The following PLGRKT variants were observed in gnomAD, a reference collection of about 807,000 sequenced individuals.
The protein encoded by PLGRKT is plasminogen receptor (KT).
Under a neutral mutation model 18.5 loss-of-function variants are expected in PLGRKT, and 22 were observed. That is an observed-to-expected ratio of 1.19 (90% CI 0.85 to 1.70). The LOEUF (loss-of-function observed/expected upper bound fraction) is 1.70, where lower values mean the gene tolerates loss of function less well. Ranked by LOEUF, PLGRKT falls within the 40% of genes most tolerant of loss-of-function variation. The pLI, the probability that PLGRKT is intolerant of heterozygous loss-of-function variation, is 0.00. For synonymous variants in PLGRKT, 72 were observed against 52.8 expected (o/e 1.36, Z -1.58); for missense variants, 235 against 174.4 (o/e 1.35, Z -1.96).
chr9:5,435,446 C>T (rs977478150), intron 2 of PLGRKT, among the ~76,000 whole-genome samples: 1 of 152,186 alleles, frequency 6.6e-6, no homozygotes, highest in Non-Finnish European at 1.5e-5. Context: ...CCACCCACTG[C>T]TAACTGCCTT....
chr9:5,358,384 CA>C, intron 5 of PLGRKT, 24 bp from the exon 6 acceptor site: 3 of 1,610,602 alleles, frequency 1.9e-6, no homozygotes, highest in Non-Finnish European at 2.5e-6. Context: ...CAGAAATACA[CA>C]AGGTGACAAA....
intron 3 of PLGRKT, among the ~76,000 whole-genome samples, chr9:5,423,861 C>A (rs980511648): frequency 2.4e-5 from 2 of 82,930 alleles, no homozygotes; most frequent in Non-Finnish European, 4.8e-5. Flanking sequence ...CATCACATTG[C>A]CCAGCTAATA....
intron 3 of PLGRKT, among the ~76,000 whole-genome samples, chr9:5,417,645 T>C (rs546992972): frequency 4.1e-4 from 59 of 145,176 alleles, no homozygotes; most frequent in African/African-American, 1.4e-3. Context: ...ATCCATAATA[T>C]GTAAAGTACT....
intron 2 of PLGRKT, among the ~76,000 whole-genome samples, chr9:5,434,459 G>A (rs1364174517): frequency 6.8e-6 from 1 of 148,130 alleles, no homozygotes; most frequent in African/African-American, 2.5e-5. Context: ...GCCCCGTCTG[G>A]GAGGTGAGGG....
intron 3 of PLGRKT, among the ~76,000 whole-genome samples, chr9:5,389,152 T>C (rs1187709259): frequency 6.6e-6 from 1 of 151,782 alleles, no homozygotes; most frequent in Non-Finnish European, 1.5e-5. Context: ...GAAGTGGCCA[T>C]AGTTATATGA....
chr9:5,426,354 G>T (rs1222082903), intron 3 of PLGRKT, among the ~76,000 whole-genome samples: 1 of 152,018 alleles, frequency 6.6e-6, no homozygotes, highest in Non-Finnish European at 1.5e-5. Flanking sequence ...TCTTAAAAAA[G>T]GAAAGAACAG....
intron 3 of PLGRKT, among the ~76,000 whole-genome samples, chr9:5,394,086 A>T (rs1439775771): frequency 6.6e-6 from 1 of 151,870 alleles, no homozygotes; most frequent in East Asian, 1.9e-4. Context: ...TTTCATACAC[A>T]TCCCTTTCCT....
At chr9:5,386,085 G>A (rs1424881626) in intron 3 of PLGRKT, among the ~76,000 whole-genome samples, 2 of 151,848 alleles carry the variant, frequency 1.3e-5, no homozygotes, top group East Asian at 1.9e-4. Context: ...GAGAACAGAT[G>A]CAAGAAAATG....
rs1586748359 is a variant in PLGRKT, at chr9:5,431,792, G to A, written c.81+105C>T. On this transcript the variant is annotated intron_variant, in intron 3 of 5. Coordinates refer to ENST00000223864, the MANE Select transcript of PLGRKT (RefSeq NM_018465.4). ...CTTGGTTTTAAGGATGCAGCCCAAA[G>A]AACATTTTATTGTTGGGAGTCAAAG... 4.7e-6 allele frequency: 3 copies of A among 641,850 alleles called. No homozygotes were observed. The East Asian group carries it at 8.0e-5, about 17-fold the overall frequency. The allele number at this position is 641,850 out of a possible 1,614,324, so 39.8% of individuals were successfully genotyped here. A position where few individuals can be genotyped will look rare whatever the true frequency, so the allele number is the denominator to read the frequency against.
chr9:5,362,309 G>T (rs183764141), intron 3 of PLGRKT, among the ~76,000 whole-genome samples: 10 of 152,164 alleles, frequency 6.6e-5, no homozygotes, highest in Admixed American at 6.6e-4. Context: ...TTTATTTGGA[G>T]TATTTATTTG....
chr9:5,394,133 C>G (rs6476968), intron 3 of PLGRKT, among the ~76,000 whole-genome samples: 87,605 of 151,514 alleles, frequency 0.58, 26,605 homozygotes, highest in African/African-American at 0.75. Flanking sequence ...AGTAACCTTT[C>G]GGAAGTGAAA....
chr9:5,384,404 T>A (rs1265806762), intron 3 of PLGRKT, among the ~76,000 whole-genome samples: 1 of 152,164 alleles, frequency 6.6e-6, no homozygotes, highest in African/African-American at 2.4e-5. Flanking sequence ...AGAGCTTCCA[T>A]TAGTAAAGAA....
chr9:5,434,875 A>C (rs1818928996), intron 2 of PLGRKT, among the ~76,000 whole-genome samples: 1 of 151,960 alleles, frequency 6.6e-6, no homozygotes. Flanking sequence ...TGTCGAAAAG[A>C]AAAGGGGGAA....
rs971250108 is a variant in PLGRKT, at chr9:5,437,831, C to T, written c.-175G>A. 1 of 152,316 alleles carries T rather than the reference C, an allele frequency of 6.6e-6. No homozygotes were observed. Among genetic ancestry groups the T allele is most frequent in the Non-Finnish European group, 1.5e-5 (1 of 68,092 alleles). The allele number at this position is 152,316 out of a possible 1,614,324, so 9.4% of individuals were successfully genotyped here. On this transcript the variant is annotated 5_prime_UTR_variant, in exon 1 of 6. Coordinates refer to ENST00000223864, the MANE Select transcript of PLGRKT (RefSeq NM_018465.4). ...GGGACCAGGCGACCGGTACGCAAACCTCCAGGCCCGGGCTCCTTTCGCCCG... is the reference window on the plus strand; with the variant it reads ...GGGACCAGGCGACCGGTACGCAAACTTCCAGGCCCGGGCTCCTTTCGCCCG...
At chr9:5,388,805 AT>A (rs1817893096) in intron 3 of PLGRKT, among the ~76,000 whole-genome samples, 1 of 152,106 alleles carries the variant, frequency 6.6e-6, no homozygotes, top group Admixed American at 6.5e-5. Context: ...AGTGGGAATA[AT>A]AAAAGTGTCA....
At position 5,391,745 on chromosome 9, in the gene PLGRKT, C is replaced by G. The variant is rs74844943; in HGVS notation, c.82-29857G>C. Among the ~76,000 whole-genome samples the G allele has an allele frequency of 7.8e-3, 1,183 of 152,058 alleles. 39 individuals carry two copies. Among genetic ancestry groups the G allele is most frequent in the African/African-American group, 0.028 (1,151 of 41,312 alleles). ...CCTGAAAGGTTCAGTCGTATTCATG[C>G]TTTGTCTAATTTAGCTGTCCTTAAA... On this transcript the variant is annotated intron_variant, in intron 3 of 5. Coordinates refer to ENST00000223864, the MANE Select transcript of PLGRKT (RefSeq NM_018465.4).
At chr9:5,404,158 A>C (rs2131132836) in intron 3 of PLGRKT, among the ~76,000 whole-genome samples, 1 of 152,308 alleles carries the variant, frequency 6.6e-6, no homozygotes, top group East Asian at 1.9e-4. Flanking sequence ...AAAACAGCCC[A>C]GATCCTGATG....
intron 3 of PLGRKT, among the ~76,000 whole-genome samples, chr9:5,384,078 G>C (rs1287644779): frequency 6.6e-6 from 1 of 152,236 alleles, no homozygotes; most frequent in Admixed American, 6.5e-5. Context: ...CAGTGAGATA[G>C]ATGGATCTGA....
rs973488975 is a variant in PLGRKT at position 5,386,920 on chromosome 9, G to A, written c.82-25032C>T. ...ACCCCTCAACTATGAAATGCCTGGG[G>A]TGTTTAAGAAACAGCAAAGTGACCC... On this transcript the variant is annotated intron_variant, in intron 3 of 5. Transcript: ENST00000223864. 2.2e-4 allele frequency among the ~76,000 whole-genome samples: 33 copies of A among 152,060 alleles called. 1 individual carries two copies. Among genetic ancestry groups the A allele is most frequent in the African/African-American group, 7.5e-4 (31 of 41,342 alleles).
Sources: gnomAD v4.1 joint callset for allele counts (sites outside exome capture counted in the v4.1 genomes callset) on GRCh38, gnomAD v4.1.1 for gene constraint, MANE v1.5 for transcripts, NCBI Gene and HGNC (gene_info 2026-07-23, HGNC 2026-07-21) for gene names.